CLASP2: variants seen among roughly 807,000 people sequenced by gnomAD.
CLASP2 encodes cytoplasmic linker associated protein 2.
Under a neutral mutation model 194.4 loss-of-function variants are expected in CLASP2, and 47 were observed. The ratio of observed to expected loss-of-function variants is 0.24; its 90% CI spans 0.19 to 0.31. CLASP2 has a LOEUF of 0.31. CLASP2 is among the 10% of genes least tolerant of loss of function. CLASP2 has a pLI of 1.00. For missense variants in CLASP2, 1,445 were observed against 1,823.6 expected (o/e 0.79, Z 3.78); for synonymous variants, 619 against 633.5 (o/e 0.98, Z 0.34).
At chr3:33,708,506 GTATATA>G (rs200209597) in intron 1 of CLASP2, among the ~76,000 whole-genome samples, 6 of 58,506 alleles carry the variant, frequency 1.0e-4, no homozygotes, top group African/African-American at 4.2e-4. Context: ...ATATATATAT[GTATATA>G]TATGTATATA....
intron 11 of CLASP2, among the ~76,000 whole-genome samples, chr3:33,621,811 C>T (rs2154279743): frequency 6.6e-6 from 1 of 152,176 alleles, no homozygotes; most frequent in South Asian, 2.1e-4. Context: ...GTTTAATACC[C>T]AAATTAGTAG....
At chr3:33,560,689 A>C in intron 28 of CLASP2, 119 bp downstream of exon 28, 3 of 813,274 alleles carry the variant, frequency 3.7e-6, no homozygotes, top group Non-Finnish European at 5.9e-6. Context: ...ACAATCTTCA[A>C]ACGGAATCCA....
intron 9 of CLASP2, among the ~76,000 whole-genome samples, chr3:33,629,887 G>A (rs1020956044): frequency 6.6e-6 from 1 of 151,954 alleles, no homozygotes; most frequent in Non-Finnish European, 1.5e-5. Flanking sequence ...AGATAAGAAG[G>A]AAATCAAGCA....
At chr3:33,533,620 G>A (rs1445722287) in intron 34 of CLASP2, among the ~76,000 whole-genome samples, 2 of 152,184 alleles carry the variant, frequency 1.3e-5, no homozygotes, top group Non-Finnish European at 2.9e-5. Context: ...CAACTATTCT[G>A]AGATGTAAAT....
In CLASP2 at chr3:33,701,825, T is replaced by A. The variant is rs554493383; in HGVS notation, c.196-4892A>T. On this transcript the variant is annotated intron_variant, in intron 1 of 38. Transcript: ENST00000682230. ...ATTTACAAAAATCAACTCAAAAATG[T>A]ATGAGATATAAACATAAAACCTAAA... is the stretch of plus-strand genomic sequence containing the variant. 3.3e-5 allele frequency among the ~76,000 whole-genome samples: 5 copies of A among 152,250 alleles called. No individual in the cohort carries two copies. The South Asian group carries it at 1.0e-3, about 31-fold the overall frequency.
intron 16 of CLASP2, among the ~76,000 whole-genome samples, chr3:33,604,960 C>T (rs887777009): frequency 1.3e-5 from 2 of 152,184 alleles, no homozygotes; most frequent in African/African-American, 4.8e-5. Context: ...GTTGTAATGT[C>T]CGTGTAATGT....
chr3:33,595,656 T>C (rs1255174525), intron 19 of CLASP2, among the ~76,000 whole-genome samples: 3 of 152,040 alleles, frequency 2.0e-5, no homozygotes, highest in South Asian at 2.1e-4. Flanking sequence ...TAACACATCA[T>C]ATAACAGTAG....
At chr3:33,591,957 G>A (rs918454918) in intron 21 of CLASP2, among the ~76,000 whole-genome samples, 2 of 152,104 alleles carry the variant, frequency 1.3e-5, no homozygotes, top group Non-Finnish European at 2.9e-5. Flanking sequence ...GCTAATATAT[G>A]GCAATTATTT....
rs2045896082 is a variant in CLASP2, at chr3:33,497,128, CTT to C, written c.*1501_*1502del. ...GGTAGAGGGAGAGGATATAGAGAAA[CTT>C]TTCCTGCTGCTAGAACAGAAAGAAA... On this transcript the variant is annotated 3_prime_UTR_variant, in exon 39 of 39. Coordinates refer to ENST00000682230, the MANE Select transcript of CLASP2 (RefSeq NM_001365631.1). 1 of 152,662 alleles carries C rather than the reference CTT, an allele frequency of 6.6e-6. No homozygotes were observed. Among genetic ancestry groups the C allele is most frequent in the South Asian group, 2.1e-4 (1 of 4,820 alleles). The allele number at this position is 152,662 out of a possible 1,614,324, so 9.5% of individuals were successfully genotyped here.
intron 34 of CLASP2, among the ~76,000 whole-genome samples, chr3:33,521,194 A>G (rs1462751712): frequency 6.6e-6 from 1 of 152,148 alleles, no homozygotes; most frequent in Non-Finnish European, 1.5e-5. Flanking sequence ...ATGTATGTCA[A>G]TTTTCTCAAA....
At chr3:33,519,493 AAAG>A (rs1249188724) in intron 34 of CLASP2, among the ~76,000 whole-genome samples, 1 of 152,202 alleles carries the variant, frequency 6.6e-6, no homozygotes, top group Admixed American at 6.5e-5. Context: ...TAAAAACAAA[AAAG>A]GAGGAGAAAG....
intron 30 of CLASP2, among the ~76,000 whole-genome samples, chr3:33,548,836 T>C (rs1306139014): frequency 7.0e-6 from 1 of 143,216 alleles, no homozygotes; most frequent in African/African-American, 2.6e-5. Context: ...AGCATGATCA[T>C]AGCTCACTGC....
At chr3:33,553,310 T>C (rs763734011) in intron 29 of CLASP2, among the ~76,000 whole-genome samples, 1 of 152,156 alleles carries the variant, frequency 6.6e-6, no homozygotes, top group Non-Finnish European at 1.5e-5. Flanking sequence ...GAAGTATTTA[T>C]AATTTTACAC....
chr3:33,670,314 G>A (rs1455277211), intron 6 of CLASP2, among the ~76,000 whole-genome samples: 3 of 152,148 alleles, frequency 2.0e-5, no homozygotes, highest in Non-Finnish European at 4.4e-5. Flanking sequence ...ATGTTGTAAT[G>A]TTCTACTTCA....
Position 33,602,969 on chromosome 3 carries a change from C to T in CLASP2, c.1907G>A (p.Gly636Asp), listed in dbSNP as rs1225316008. The change falls in exon 18 of 39, where the codon GGT becomes GAT. Residue 636 changes from glycine (G) to aspartate (D), a missense_variant. This residue lies in a region of CLASP2 where 174 missense variants were observed against 179.0 expected (regional missense o/e 0.97). Transcript: ENST00000682230. ...TCTCTTACCTAGTGACGCATAGGAA[C>T]CTGCATTCAGGGCACCTGCACCTAA... ...GRLGAGALNA[G>D]SYASLEDTSD... is the part of the protein sequence containing the mutation. 1 of 1,610,520 alleles carries T rather than the reference C, an allele frequency of 6.2e-7. No homozygotes were observed. The highest frequency in any genetic ancestry group is 1.7e-5 in the Admixed American group (1 of 59,622).
At chr3:33,580,909 A>G (rs9311018) in intron 23 of CLASP2, among the ~76,000 whole-genome samples, 10,893 of 149,458 alleles carry the variant, frequency 0.073, 1,042 homozygotes, top group African/African-American at 0.23. Flanking sequence ...CCAGCTACTC[A>G]GGAGGCTGAG....
At chr3:33,526,659 C>T (rs1400253858) in intron 34 of CLASP2, among the ~76,000 whole-genome samples, 1 of 152,114 alleles carries the variant, frequency 6.6e-6, no homozygotes, top group Non-Finnish European at 1.5e-5. Context: ...CTCTCCACCC[C>T]AAACCAACAG....
chr3:33,575,436 C>G (rs1415981551), intron 24 of CLASP2, among the ~76,000 whole-genome samples: 3 of 151,830 alleles, frequency 2.0e-5, no homozygotes, highest in Admixed American at 2.0e-4. Flanking sequence ...AAAGATGAGG[C>G]CTCTTACAAG....
At chr3:33,559,275 T>C in intron 29 of CLASP2, 32 bp downstream of exon 29, 1 of 1,253,030 alleles carries the variant, frequency 8.0e-7, no homozygotes, top group Non-Finnish European at 1.1e-6. Context: ...TTCAATTCTT[T>C]ATAATGTCTT....
Sources: allele counts gnomAD v4.1 joint callset (sites outside exome capture counted in the v4.1 genomes callset), GRCh38; gene constraint gnomAD v4.1.1; regional missense constraint gnomAD v4.1.1; transcripts MANE v1.5; gene names NCBI Gene and HGNC (gene_info 2026-07-23, HGNC 2026-07-21).